The following INPP4B variants were observed in gnomAD, a reference collection of about 807,000 sequenced individuals.
The protein encoded by INPP4B is inositol polyphosphate 4-phosphatase type II.
A neutral mutation model predicts 122.5 loss-of-function variants in INPP4B; 55 were observed. That is an observed-to-expected ratio of 0.45 (90% CI 0.36 to 0.56). The LOEUF (loss-of-function observed/expected upper bound fraction) is 0.56. Ranked by LOEUF, INPP4B falls within the 20% of genes least tolerant of loss-of-function variation. The pLI, the probability that INPP4B is intolerant of heterozygous loss-of-function variation, is 0.00. For missense variants in INPP4B, 1,000 were observed against 1,097.7 expected (o/e 0.91, Z 1.26); for synonymous variants, 403 against 388.7 (o/e 1.04, Z -0.43).
At chr4:142,484,968 A>T (rs1428039293) in intron 2 of INPP4B, among the ~76,000 whole-genome samples, 1 of 152,114 alleles carries the variant, frequency 6.6e-6, no homozygotes, top group Non-Finnish European at 1.5e-5. Flanking sequence ...AGGAAACTGA[A>T]GTTTTCAGAA....
chr4:142,356,441 T>C (rs1783635633), intron 7 of INPP4B, among the ~76,000 whole-genome samples: 2 of 151,588 alleles, frequency 1.3e-5, no homozygotes, highest in Non-Finnish European at 1.5e-5. Context: ...TGAGGAAAGC[T>C]TGGATAGCTT....
chr4:142,258,530 A>G (rs1737778561), intron 11 of INPP4B, among the ~76,000 whole-genome samples: 1 of 152,250 alleles, frequency 6.6e-6, no homozygotes, highest in South Asian at 2.1e-4. Flanking sequence ...AACCCCATCA[A>G]AAAGTGGGCA....
Position 142,618,950 on chromosome 4 carries a change from AAGACCAC to A in INPP4B, c.-191+106882_-191+106888del, listed in dbSNP as rs1355463155. Among the ~76,000 whole-genome samples the A allele has an allele frequency of 3.3e-5, 5 of 152,172 alleles. No homozygotes were observed. The East Asian group carries it at 9.7e-4, about 29-fold the overall frequency. On this transcript the variant is annotated intron_variant, in intron 2 of 25. Transcript: ENST00000262992. Reference sequence around the variant, plus strand: ...AATGACTTGAATATACATTTCTCCAAAGACCACATATGAAAGGCCAACAGATATATGA... The same window carrying A: ...AATGACTTGAATATACATTTCTCCAAATATGAAAGGCCAACAGATATATGA...
At chr4:142,170,458 G>A (rs962188462) in intron 16 of INPP4B, among the ~76,000 whole-genome samples, 5 of 151,642 alleles carry the variant, frequency 3.3e-5, no homozygotes, top group Non-Finnish European at 7.4e-5. Context: ...ATAGCAATCT[G>A]AAGACACAGT....
intron 2 of INPP4B, among the ~76,000 whole-genome samples, chr4:142,552,589 C>A (rs1183507251): frequency 1.3e-5 from 2 of 152,050 alleles, no homozygotes; most frequent in African/African-American, 4.8e-5. Flanking sequence ...TAAGAATATT[C>A]TTGGAAAGTG....
At chr4:142,638,371 C>G (rs1164591787) in intron 2 of INPP4B, among the ~76,000 whole-genome samples, 1 of 152,008 alleles carries the variant, frequency 6.6e-6, no homozygotes, top group Non-Finnish European at 1.5e-5. Flanking sequence ...TTTTCATGAA[C>G]GGTATAAAAT....
chr4:142,835,910 C>T (rs1213135969), intron 1 of INPP4B, among the ~76,000 whole-genome samples: 1 of 152,080 alleles, frequency 6.6e-6, no homozygotes, highest in African/African-American at 2.4e-5. Flanking sequence ...CACCATTAGG[C>T]CAAACGTGAA....
chr4:142,711,919 A>C (rs1236546095), intron 2 of INPP4B, among the ~76,000 whole-genome samples: 1 of 152,164 alleles, frequency 6.6e-6, no homozygotes, highest in Non-Finnish European at 1.5e-5. Context: ...ATGGTGGTAC[A>C]TGACTGTAGT....
intron 14 of INPP4B, among the ~76,000 whole-genome samples, chr4:142,204,411 C>T (rs1215908193): frequency 6.6e-6 from 1 of 152,028 alleles, no homozygotes; most frequent in African/African-American, 2.4e-5. Flanking sequence ...TTTCTGCTAA[C>T]TGCTTTGTCA....
intron 1 of INPP4B, among the ~76,000 whole-genome samples, chr4:142,786,745 C>T (rs1775817932): frequency 1.3e-5 from 2 of 152,016 alleles, no homozygotes; most frequent in Non-Finnish European, 2.9e-5. Context: ...TCCGAGCTGC[C>T]CCTAAAAGCA....
rs200139746 is a variant in INPP4B at position 142,545,821 on chromosome 4, G to A, written c.-190-83095C>T. On this transcript the variant is annotated intron_variant, in intron 2 of 25. Coordinates refer to ENST00000262992, the MANE Select transcript of INPP4B (RefSeq NM_001101669.3). ...TATATATATACACATATACATGTGT[G>A]TATATATATATATATAAAATGGTCT... Among the ~76,000 whole-genome samples the A allele has an allele frequency of 9.4e-3, 1,055 of 111,780 alleles. 37 individuals carry two copies. In the East Asian group the frequency reaches 0.1, roughly 11 times the overall value. 73.3% of individuals were successfully genotyped at this position (111,780 alleles called of 152,430 possible). A position where few individuals can be genotyped will look rare whatever the true frequency, so the allele number is the denominator to read the frequency against.
At chr4:142,450,920 A>G (rs1377398401) in intron 3 of INPP4B, among the ~76,000 whole-genome samples, 13 of 152,066 alleles carry the variant, frequency 8.5e-5, no homozygotes, top group Middle Eastern at 3.2e-3. Flanking sequence ...ACTAGAAGAC[A>G]TGTATCTTAT....
At position 142,546,840 on chromosome 4, in the gene INPP4B, C is replaced by A. The variant is rs188213309; in HGVS notation, c.-190-84114G>T. 5.0e-4 allele frequency among the ~76,000 whole-genome samples: 76 copies of A among 152,036 alleles called. No homozygotes were observed. The East Asian group carries it at 0.011, about 22-fold the overall frequency. On this transcript the variant is annotated intron_variant, in intron 2 of 25. Transcript: ENST00000262992. ...TGAATTCCTAATACAACTAACTTTC[C>A]CATTTATAAAAGTAAAACATGCTTG...
intron 14 of INPP4B, among the ~76,000 whole-genome samples, chr4:142,199,499 T>C (rs1316925412): frequency 2.0e-5 from 3 of 152,072 alleles, no homozygotes; most frequent in Non-Finnish European, 4.4e-5. Context: ...TAACTTTTAA[T>C]ATGCTGTCTA....
At chr4:142,230,396 A>G (rs1381277884) in intron 12 of INPP4B, among the ~76,000 whole-genome samples, 2 of 152,170 alleles carry the variant, frequency 1.3e-5, no homozygotes, top group Non-Finnish European at 2.9e-5. Flanking sequence ...CTGTAATCCC[A>G]GCACTTTGGG....
intron 21 of INPP4B, among the ~76,000 whole-genome samples, chr4:142,119,082 A>G (rs958753283): frequency 8.5e-5 from 13 of 152,216 alleles, no homozygotes; most frequent in African/African-American, 2.9e-4. Flanking sequence ...AATGCAAATC[A>G]AAACCAAAAT....
rs958666054 is a variant in INPP4B at position 142,799,557 on chromosome 4, T to A, written c.-254+46652A>T. Among the ~76,000 whole-genome samples, 9 of 152,012 alleles carry A rather than the reference T, an allele frequency of 5.9e-5. No homozygotes were observed. In the East Asian group the frequency reaches 1.7e-3, roughly 29 times the overall value. ...ATTAATTTAAAATATTTTAAGTAAA[T>A]CTTGAAGGATTATAAAATAGTACAT... On this transcript the variant is annotated intron_variant, in intron 1 of 25. Coordinates refer to ENST00000262992, the MANE Select transcript of INPP4B (RefSeq NM_001101669.3).
At chr4:142,435,973 C>T (rs1272883442) in intron 3 of INPP4B, among the ~76,000 whole-genome samples, 1 of 152,172 alleles carries the variant, frequency 6.6e-6, no homozygotes, top group Non-Finnish European at 1.5e-5. Context: ...GGGCAGGAGC[C>T]AACATTGCAG....
intron 2 of INPP4B, among the ~76,000 whole-genome samples, chr4:142,691,660 C>G (rs1760201063): frequency 6.6e-6 from 1 of 152,146 alleles, no homozygotes; most frequent in African/African-American, 2.4e-5. Flanking sequence ...GTAAACTCTT[C>G]TCTGTATTTC....
Sources: gnomAD v4.1 joint callset for allele counts (sites outside exome capture counted in the v4.1 genomes callset) on GRCh38, gnomAD v4.1.1 for gene constraint, MANE v1.5 for transcripts, NCBI Gene and HGNC (gene_info 2026-07-23, HGNC 2026-07-21) for gene names.